Variants in SRBD1 observed in about 807,000 individuals in gnomAD.
The protein encoded by SRBD1 is S1 RNA-binding domain-containing protein 1.
A neutral mutation model predicts 115.3 loss-of-function variants in SRBD1; 88 were observed. That is an observed-to-expected ratio of 0.76 (90% CI 0.64 to 0.91). The LOEUF (loss-of-function observed/expected upper bound fraction) is 0.91. Among genes scored for constraint, SRBD1 ranks in the 40% least tolerant of loss-of-function variants. The probability of loss-of-function intolerance (pLI) is 0.00; values close to 1 mark genes in which losing one functional copy is unlikely to be tolerated. For synonymous variants in SRBD1, 509 were observed against 407.7 expected, an observed-to-expected ratio of 1.25 and a Z score of -2.99; for missense variants, 1,385 against 1,177.4, an observed-to-expected ratio of 1.18 and a Z score of -2.58.
In SRBD1 at chr2:45,545,283, T is replaced by TAAAAAAAAAAAAAAA. The variant is rs56909656; in HGVS notation, c.1874+1434_1874+1448dup. On this transcript the variant is annotated intron_variant, in intron 14 of 20. Coordinates refer to ENST00000263736, the MANE Select transcript of SRBD1 (RefSeq NM_018079.5). Reference sequence around the variant, plus strand: ...TGACAGAGCGAGACTCTGTCTCAATTAAAAAAAAAAAAAAAAAAAAAAAAA... The same window carrying TAAAAAAAAAAAAAAA: ...TGACAGAGCGAGACTCTGTCTCAATTAAAAAAAAAAAAAAAAAAAAAAAAAAAAAAAAAAAAAAAA... Among the ~76,000 whole-genome samples, 41 of 68,572 alleles carry TAAAAAAAAAAAAAAA rather than the reference T, an allele frequency of 6.0e-4. 2 individuals are homozygous for TAAAAAAAAAAAAAAA. The highest frequency in any genetic ancestry group is 1.2e-3 in the African/African-American group (17 of 14,778). 45.0% of individuals were successfully genotyped at this position (68,572 alleles called of 152,430 possible).
chr2:45,535,090 C>T (rs1385961692), intron 14 of SRBD1, among the ~76,000 whole-genome samples: 1 of 151,862 alleles, frequency 6.6e-6, no homozygotes, highest in Non-Finnish European at 1.5e-5. Flanking sequence ...CCTCAGTGTC[C>T]ACAAATTTGA....
At chr2:45,605,841 T>C (rs1674252135) in intron 1 of SRBD1, among the ~76,000 whole-genome samples, 1 of 148,904 alleles carries the variant, frequency 6.7e-6, no homozygotes, top group South Asian at 2.1e-4. Flanking sequence ...GAGGTGGAGG[T>C]TGCAGAGAGC....
At chr2:45,414,530 TGTGTGTACACACATAGTGTCTGTA>T (rs1472792899) in intron 18 of SRBD1, among the ~76,000 whole-genome samples, 2 of 145,854 alleles carry the variant, frequency 1.4e-5, no homozygotes, top group East Asian at 2.0e-4. Flanking sequence ...GTGTATATAG[TGTGTGTACACACATAGTGTCTGTA>T]GTGTGTGTAC....
chr2:45,506,601 T>A (rs1670805817), intron 14 of SRBD1, among the ~76,000 whole-genome samples: 1 of 152,196 alleles, frequency 6.6e-6, no homozygotes, highest in South Asian at 2.1e-4. Flanking sequence ...TATATTATCT[T>A]GCCTTGTCAT....
intron 2 of SRBD1, among the ~76,000 whole-genome samples, chr2:45,603,906 C>G (rs1448907169): frequency 6.6e-6 from 1 of 152,110 alleles, no homozygotes; most frequent in Non-Finnish European, 1.5e-5. Context: ...CCACTTTCAC[C>G]TGAATGTCCA....
At chr2:45,572,139 G>C (rs761105878) in intron 9 of SRBD1, among the ~76,000 whole-genome samples, 1 of 152,054 alleles carries the variant, frequency 6.6e-6, no homozygotes, top group Non-Finnish European at 1.5e-5. Flanking sequence ...AGAGAGAAGA[G>C]ACTTGTCATG....
chr2:45,532,004 T>G (rs1671628339), intron 14 of SRBD1, among the ~76,000 whole-genome samples: 1 of 151,782 alleles, frequency 6.6e-6, no homozygotes. Context: ...CCAAGATGAG[T>G]GCCTCCTCCT....
At chr2:45,532,003 G>A (rs893182239) in intron 14 of SRBD1, among the ~76,000 whole-genome samples, 2 of 151,670 alleles carry the variant, frequency 1.3e-5, no homozygotes, top group Admixed American at 6.6e-5. Context: ...ACCAAGATGA[G>A]TGCCTCCTCC....
At chr2:45,524,243 G>C (rs368311276) in intron 14 of SRBD1, among the ~76,000 whole-genome samples, 9 of 152,016 alleles carry the variant, frequency 5.9e-5, no homozygotes, top group African/African-American at 2.2e-4. Flanking sequence ...ACAGGAACAA[G>C]ATGAGAATGT....
chr2:45,608,054 C>A (rs949849897), intron 1 of SRBD1, among the ~76,000 whole-genome samples: 1 of 152,204 alleles, frequency 6.6e-6, no homozygotes, highest in Non-Finnish European at 1.5e-5. Flanking sequence ...GAATTCAGAA[C>A]ATTCCCACAC....
chr2:45,417,331 A>G (rs746941488), intron 18 of SRBD1, among the ~76,000 whole-genome samples: 1 of 152,156 alleles, frequency 6.6e-6, no homozygotes, highest in Non-Finnish European at 1.5e-5. Flanking sequence ...AGTTGTCATA[A>G]TATCATTTGT....
In SRBD1 at chr2:45,599,231, A is replaced by T. The variant is rs1362330383; in HGVS notation, c.648+218T>A. 6.6e-5 allele frequency among the ~76,000 whole-genome samples: 10 copies of T among 152,336 alleles called. No individual in the cohort carries two copies. The East Asian group carries it at 1.9e-3, about 29-fold the overall frequency. On this transcript the variant is annotated intron_variant, in intron 4 of 20. Coordinates refer to ENST00000263736, the MANE Select transcript of SRBD1 (RefSeq NM_018079.5). The stretch of plus-strand genomic sequence containing the variant: ...CACTAAAACACCATAGCAAAGGCCA[A>T]GAGAGGCCACACATCTTAGCTGAAG...
chr2:45,467,305 T>A (rs1419899251), intron 16 of SRBD1, among the ~76,000 whole-genome samples: 1 of 152,256 alleles, frequency 6.6e-6, no homozygotes, highest in Non-Finnish European at 1.5e-5. Flanking sequence ...ACTCTGGAGA[T>A]GTAGCCTAGG....
intron 2 of SRBD1, 138 bp from the exon 3 acceptor site, chr2:45,602,221 G>T: frequency 2.0e-6 from 2 of 980,098 alleles, no homozygotes; most frequent in Non-Finnish European, 2.9e-6. Context: ...TACAGGCTGT[G>T]AACAGTTATT....
chr2:45,546,815 A>C lies in SRBD1; in HGVS notation c.1791T>G (p.Asn597Lys), dbSNP rs1558469270. 6.2e-7 allele frequency: 1 copy of C among 1,614,136 alleles called. No individual in the cohort carries two copies. The highest frequency in any genetic ancestry group is 1.7e-5 in the Admixed American group (1 of 60,026). ...CTTCTGTTTCCCTGCAGGCAGTTCC[A>C]TTTCCAATCACTACTGTGCTGCAGC... Reference protein sequence around the residue: ...NFNCSTVVIGNGTACRETEAY... With the variant: ...NFNCSTVVIGKGTACRETEAY... The change falls in exon 14 of 21, where the codon AAT (asparagine) becomes AAG (lysine). Residue 597 changes from asparagine to lysine, a missense_variant. Coordinates refer to ENST00000263736, the MANE Select transcript of SRBD1 (RefSeq NM_018079.5).
At chr2:45,502,203 C>G (rs1320616751) in intron 14 of SRBD1, among the ~76,000 whole-genome samples, 2 of 152,200 alleles carry the variant, frequency 1.3e-5, no homozygotes, top group Admixed American at 1.3e-4. Flanking sequence ...CTCCAGCAAA[C>G]TCCAACAGAC....
intron 14 of SRBD1, among the ~76,000 whole-genome samples, chr2:45,497,378 C>G (rs1670491686): frequency 1.3e-5 from 2 of 152,190 alleles, no homozygotes; most frequent in African/African-American, 4.8e-5. Flanking sequence ...GTTACAGGAA[C>G]AGGGTAGACT....
At chr2:45,486,346 AC>A (rs1670118304) in intron 15 of SRBD1, among the ~76,000 whole-genome samples, 1 of 152,188 alleles carries the variant, frequency 6.6e-6, no homozygotes, top group South Asian at 2.1e-4. Context: ...AAATGAAAGT[AC>A]CCTTTTATCA....
At chr2:45,581,594 T>G in intron 6 of SRBD1, 99 bp downstream of exon 6, 2 of 791,032 alleles carry the variant, frequency 2.5e-6, no homozygotes, top group Non-Finnish European at 4.1e-6. Context: ...TGGTGGCTAA[T>G]GACGTTAGCT....
Sources: gnomAD v4.1 joint callset for allele counts (sites outside exome capture counted in the v4.1 genomes callset) on GRCh38, gnomAD v4.1.1 for gene constraint, MANE v1.5 for transcripts, NCBI Gene and HGNC (gene_info 2026-07-23, HGNC 2026-07-21) for gene names.